AFF1: variants seen among roughly 807,000 people sequenced by gnomAD.
AFF1 encodes ALF transcription elongation factor 1, also known as AF4/FMR2 family member 1.
Under a neutral mutation model 121.7 loss-of-function variants are expected in AFF1, and 48 were observed. The ratio of observed to expected loss-of-function variants is 0.39; its 90% CI spans 0.31 to 0.50. The LOEUF is 0.50. AFF1 is among the 20% of genes least tolerant of loss of function. The pLI is 0.76. For synonymous variants in AFF1, 613 were observed against 563.0 expected (o/e 1.09, Z -1.26); for missense variants, 1,523 against 1,511.7 (o/e 1.01, Z -0.12).
chr4:87,117,475 C>T (rs965460577), intron 12 of AFF1, among the ~76,000 whole-genome samples: 5 of 152,278 alleles, frequency 3.3e-5, no homozygotes, highest in African/African-American at 9.6e-5. Flanking sequence ...GCACTGATGA[C>T]GGGAATCCCC....
chr4:87,031,673 T>C (rs186882307), intron 2 of AFF1, among the ~76,000 whole-genome samples: 1 of 150,596 alleles, frequency 6.6e-6, no homozygotes, highest in East Asian at 1.9e-4. Context: ...AATACAATTC[T>C]GTTTTGAAGA....
chr4:87,019,108 A>C (rs189691140), intron 2 of AFF1, among the ~76,000 whole-genome samples: 1 of 152,390 alleles, frequency 6.6e-6, no homozygotes, highest in East Asian at 1.9e-4. Flanking sequence ...AGAGATAAAT[A>C]GCAAAGCCCA....
intron 12 of AFF1, among the ~76,000 whole-genome samples, chr4:87,116,162 T>C (rs747525213): frequency 4.6e-5 from 7 of 152,226 alleles, no homozygotes; most frequent in African/African-American, 1.2e-4. Context: ...TTGAGTAATA[T>C]AGGCTGATAA....
At chr4:87,014,719 T>G (rs1727134105) in intron 2 of AFF1, among the ~76,000 whole-genome samples, 2 of 152,258 alleles carry the variant, frequency 1.3e-5, no homozygotes, top group Non-Finnish European at 2.9e-5. Flanking sequence ...GACCCAAGAT[T>G]ATCACGTGAC....
At chr4:87,092,317 A>T (rs1280917867) in intron 7 of AFF1, among the ~76,000 whole-genome samples, 2 of 152,182 alleles carry the variant, frequency 1.3e-5, no homozygotes, top group Non-Finnish European at 2.9e-5. Context: ...TGTTGCAAAG[A>T]GTTAATAAAG....
Position 87,134,581 on chromosome 4 carries a change from G to T in AFF1, c.3422G>T (p.Ser1141Ile). Residue 1141 changes from serine to isoleucine, a missense_variant, in exon 20 of 21, where the codon AGC becomes ATC. Physicochemically the swap from Ser to Ile is moderately radical, Grantham distance 142. Coordinates refer to ENST00000395146, the MANE Select transcript of AFF1 (RefSeq NM_001166693.3). ...AGCAGTGGGGTGGCTGCCACTATCA[G>T]CACCCCAGTCACCATCCAGAATATG... ...VGSSGVAATISTPVTIQNMTS... is the reference protein window; with the variant it reads ...VGSSGVAATIITPVTIQNMTS... 1 of 1,614,080 alleles carries T rather than the reference G, an allele frequency of 6.2e-7. No individual in the cohort carries two copies. Among genetic ancestry groups the T allele is most frequent in the Non-Finnish European group, 8.5e-7 (1 of 1,179,976 alleles).
At chr4:87,032,594 A>G (rs1313055555) in intron 2 of AFF1, among the ~76,000 whole-genome samples, 2 of 152,220 alleles carry the variant, frequency 1.3e-5, no homozygotes, top group Non-Finnish European at 2.9e-5. Context: ...AGGAGCCTAG[A>G]AAAAACTTCT....
chr4:86,943,974 CAAT>C (rs1720658013), intron 1 of AFF1, among the ~76,000 whole-genome samples: 3 of 139,610 alleles, frequency 2.1e-5, no homozygotes, highest in Non-Finnish European at 3.2e-5. Flanking sequence ...ATAAAAAAAA[CAAT>C]AATAACATAA....
chr4:86,946,095 G>T (rs545851249), intron 1 of AFF1, among the ~76,000 whole-genome samples: 1 of 152,108 alleles, frequency 6.6e-6, no homozygotes, highest in Admixed American at 6.5e-5. Flanking sequence ...TGAGACCTGG[G>T]GGGTTGCTCA....
rs368325604 is a variant in AFF1, at chr4:87,114,620, C to T, written c.1787C>T (p.Pro596Leu). ...HPGKRSCQKS[P>L]AQQEPPQRQT... The stretch of plus-strand genomic sequence containing the variant: ...GGAAAGAGGAGCTGTCAGAAGTCTC[C>T]GGCACAGCAGGAGCCCCCACAAAGG... Residue 596 changes from proline (P) to leucine (L), a missense_variant, in exon 12 of 21, where the codon CCG becomes CTG. Around this residue, in one of 5 missense-constraint regions of AFF1, gnomAD observed 905 missense variants for 842.5 expected, o/e 1.07. Coordinates refer to ENST00000395146, the MANE Select transcript of AFF1 (RefSeq NM_001166693.3). 9.9e-6 allele frequency: 16 copies of T among 1,611,508 alleles called. No individual in the cohort carries two copies. Among genetic ancestry groups the T allele is most frequent in the African/African-American group, 6.7e-5 (5 of 74,310 alleles).
intron 2 of AFF1, among the ~76,000 whole-genome samples, chr4:87,029,441 A>C (rs565258187): frequency 4.6e-5 from 7 of 152,314 alleles, no homozygotes; most frequent in African/African-American, 1.7e-4. Context: ...AAAGGTATTC[A>C]GATCCAGCAG....
At chr4:86,981,204 G>T (rs956818466) in intron 2 of AFF1, among the ~76,000 whole-genome samples, 16 of 151,872 alleles carry the variant, frequency 1.1e-4, no homozygotes, top group African/African-American at 3.9e-4. Context: ...AGTAGAGACA[G>T]GGCTTCACCA....
chr4:87,072,971 T>C (rs967828491), intron 4 of AFF1, among the ~76,000 whole-genome samples: 4 of 152,238 alleles, frequency 2.6e-5, no homozygotes, highest in Middle Eastern at 3.4e-3. Context: ...AAGTCTGATG[T>C]AGTTTGTGTA....
chr4:86,938,784 T>C (rs1045279219), intron 1 of AFF1, among the ~76,000 whole-genome samples: 1 of 152,246 alleles, frequency 6.6e-6, no homozygotes, highest in Non-Finnish European at 1.5e-5. Flanking sequence ...CAGATTGTTA[T>C]AGACTTGACA....
intron 16 of AFF1, 121 bp from the exon 17 acceptor site, chr4:87,130,962 C>G: frequency 7.6e-7 from 1 of 1,323,790 alleles, no homozygotes; most frequent in Non-Finnish European, 1.0e-6. Flanking sequence ...TTCATCCTCA[C>G]ACTTCTCCCT....
intron 4 of AFF1, among the ~76,000 whole-genome samples, chr4:87,075,863 A>G (rs929996192): frequency 3.9e-5 from 6 of 152,164 alleles, no homozygotes; most frequent in African/African-American, 1.2e-4. Flanking sequence ...ATAAAACTCT[A>G]ATTACTTTTT....
intron 2 of AFF1, chr4:86,949,748 G>T: frequency 1.2e-6 from 2 of 1,609,280 alleles, no homozygotes; most frequent in Non-Finnish European, 1.7e-6. Context: ...CTTGCCCTTG[G>T]CCCAGATGGT....
chr4:87,028,455 A>G (rs1405771308), intron 2 of AFF1, among the ~76,000 whole-genome samples: 1 of 152,170 alleles, frequency 6.6e-6, no homozygotes, highest in African/African-American at 2.4e-5. Context: ...ATCTGGGAAG[A>G]TGATTAGAAG....
chr4:87,094,287 C>A (rs1724606163), intron 7 of AFF1, among the ~76,000 whole-genome samples: 1 of 152,152 alleles, frequency 6.6e-6, no homozygotes. Context: ...TTTCCCAGGG[C>A]AGTTAATTTA....
Sources: allele counts gnomAD v4.1 joint callset (sites outside exome capture counted in the v4.1 genomes callset), GRCh38; gene constraint gnomAD v4.1.1; regional missense constraint gnomAD v4.1.1; transcripts MANE v1.5; gene names NCBI Gene and HGNC (gene_info 2026-07-23, HGNC 2026-07-21).